MMP16: variants seen among roughly 807,000 people sequenced by gnomAD.
MMP16 encodes the protein matrix metallopeptidase 16, also known as matrix metalloproteinase-16.
MMP16 carries 12 observed loss-of-function variants against 67.8 expected under a neutral mutation model. That is an observed-to-expected ratio of 0.18 (90% CI 0.11 to 0.29). The LOEUF (loss-of-function observed/expected upper bound fraction) is 0.29. Among genes scored for constraint, MMP16 ranks in the 10% least tolerant of loss-of-function variants. The probability of loss-of-function intolerance (pLI) is 1.00; values close to 1 mark genes in which losing one functional copy is unlikely to be tolerated. For missense variants in MMP16, 475 were observed against 765.7 expected (o/e 0.62, Z 4.48); for synonymous variants, 249 against 255.9 (o/e 0.97, Z 0.26).
chr8:88,089,292 G>A (rs561896758), intron 6 of MMP16, among the ~76,000 whole-genome samples: 3 of 152,076 alleles, frequency 2.0e-5, no homozygotes, highest in Admixed American at 1.3e-4. Flanking sequence ...AAGTTAATAC[G>A]TATCACACAA....
intron 6 of MMP16, among the ~76,000 whole-genome samples, chr8:88,106,051 GTATATA>G (rs34758855): frequency 0.74 from 107,433 of 145,346 alleles, 40,418 homozygotes; most frequent in Non-Finnish European, 0.82. Context: ...TACACGTTAT[GTATATA>G]TATATATATA....
At chr8:88,305,360 C>T (rs1811196472) in intron 1 of MMP16, among the ~76,000 whole-genome samples, 1 of 152,064 alleles carries the variant, frequency 6.6e-6, no homozygotes, top group Non-Finnish European at 1.5e-5. Context: ...ACATTAATAC[C>T]CCACTGACAA....
At chr8:88,157,025 G>A (rs1808520773) in intron 4 of MMP16, among the ~76,000 whole-genome samples, 1 of 152,100 alleles carries the variant, frequency 6.6e-6, no homozygotes, top group African/African-American at 2.4e-5. Context: ...CATTAAACCT[G>A]TCACCTTTCT....
chr8:88,286,580 A>AT (rs34642278), intron 1 of MMP16, among the ~76,000 whole-genome samples: 4,554 of 149,000 alleles, frequency 0.031, 56 homozygotes, highest in South Asian at 0.041. Context: ...CTGGAACTCA[A>AT]TTTTTTTTTT....
chr8:88,179,194 G>A (rs1400733012), intron 3 of MMP16, among the ~76,000 whole-genome samples: 1 of 151,772 alleles, frequency 6.6e-6, no homozygotes, highest in South Asian at 2.1e-4. Flanking sequence ...AGAAAACTCT[G>A]GAAAAAAGCC....
At chr8:88,189,856 T>A (rs1586197021) in intron 2 of MMP16, among the ~76,000 whole-genome samples, 3 of 152,320 alleles carry the variant, frequency 2.0e-5, no homozygotes, top group Admixed American at 2.0e-4. Flanking sequence ...GATTTGTATG[T>A]GTCTGTCTCT....
At chr8:88,161,717 C>A (rs1306616681) in intron 4 of MMP16, among the ~76,000 whole-genome samples, 3 of 152,086 alleles carry the variant, frequency 2.0e-5, no homozygotes, top group African/African-American at 7.2e-5. Flanking sequence ...CTACACACTG[C>A]TTTAAACGTG....
intron 1 of MMP16, among the ~76,000 whole-genome samples, chr8:88,273,592 T>C (rs1810600287): frequency 6.6e-6 from 1 of 152,194 alleles, no homozygotes; most frequent in Non-Finnish European, 1.5e-5. Context: ...CATGATTTCC[T>C]AATTAGAATG....
At chr8:88,102,816 T>C (rs1809167871) in intron 6 of MMP16, among the ~76,000 whole-genome samples, 1 of 151,874 alleles carries the variant, frequency 6.6e-6, no homozygotes, top group South Asian at 2.1e-4. Context: ...AATACCATAG[T>C]CCACTTGCCC....
At chr8:88,282,725 T>C (rs1915024) in intron 1 of MMP16, among the ~76,000 whole-genome samples, 86,747 of 151,974 alleles carry the variant, frequency 0.57, 26,544 homozygotes, top group East Asian at 0.84. Context: ...AATGAATGTG[T>C]TTTGTTTTGT....
At chr8:88,228,721 C>T (rs1421997954) in intron 1 of MMP16, among the ~76,000 whole-genome samples, 1 of 151,970 alleles carries the variant, frequency 6.6e-6, no homozygotes, top group Non-Finnish European at 1.5e-5. Context: ...ATAATGCACC[C>T]CTTTGCTCAC....
intron 4 of MMP16, among the ~76,000 whole-genome samples, chr8:88,139,254 C>G (rs1241640725): frequency 1.3e-5 from 2 of 152,024 alleles, no homozygotes; most frequent in East Asian, 3.9e-4. Context: ...CAGCATTTTT[C>G]TTCTTCAGTG....
intron 9 of MMP16, among the ~76,000 whole-genome samples, chr8:88,043,851 G>C (rs1021565524): frequency 6.6e-6 from 1 of 152,148 alleles, no homozygotes; most frequent in Non-Finnish European, 1.5e-5. Flanking sequence ...AAGAAATGTT[G>C]AGGGCCTGCC....
intron 4 of MMP16, among the ~76,000 whole-genome samples, chr8:88,127,827 C>T (rs1266807099): frequency 6.6e-6 from 1 of 151,760 alleles, no homozygotes; most frequent in Non-Finnish European, 1.5e-5. Context: ...TTGCTTGTAC[C>T]AACACATCTA....
chr8:88,267,394 C>T (rs1001520014), intron 1 of MMP16, among the ~76,000 whole-genome samples: 3 of 152,208 alleles, frequency 2.0e-5, no homozygotes, highest in Non-Finnish European at 2.9e-5. Flanking sequence ...CTCCCATTTG[C>T]TGTGACTTCT....
chr8:88,032,630 A>G lies in MMP16; in HGVS notation c.*8831T>C, dbSNP rs1808000272. On this transcript the variant is annotated 3_prime_UTR_variant, in exon 10 of 10. Transcript: ENST00000286614. ...TTGCCTGATTTTATCTGACAGTCAT[A>G]ATACACTTTAGCACCATTTATTTAG... 1 of 152,132 alleles carries G rather than the reference A, an allele frequency of 6.6e-6. No homozygotes were observed. Among genetic ancestry groups the G allele is most frequent in the Admixed American group, 6.6e-5 (1 of 15,244 alleles). The allele number at this position is 152,132 out of a possible 1,614,324, so 9.4% of individuals were successfully genotyped here.
Position 88,167,839 on chromosome 8 carries a change from C to A in MMP16, c.539G>T (p.Arg180Leu), listed in dbSNP as rs770249742. 2.5e-6 allele frequency: 4 copies of A among 1,614,028 alleles called. No homozygotes were observed. Among genetic ancestry groups the A allele is most frequent in the South Asian group, 2.2e-5 (2 of 91,082 alleles). The change falls in exon 4 of 10, where the codon CGT becomes CTT. Residue 180 changes from arginine (R) to leucine (L), a missense_variant. Around this residue, in one of 5 missense-constraint regions of MMP16, gnomAD observed 170 missense variants for 239.6 expected, o/e 0.71. Transcript: ENST00000286614. ...VPYSELENGKRDVDITIIFAS... is the reference protein window; with the variant it reads ...VPYSELENGKLDVDITIIFAS... ...AAAAATAATGGTTATATCCACATCA[C>A]GTTTGCCATTTTCTAATTCACTGTA...
At chr8:88,044,140 C>T (rs1808169508) in intron 9 of MMP16, among the ~76,000 whole-genome samples, 1 of 152,146 alleles carries the variant, frequency 6.6e-6, no homozygotes, top group Non-Finnish European at 1.5e-5. Context: ...TTACTGAATA[C>T]ACTTGTTACA....
At chr8:88,246,427 C>T (rs1384030282) in intron 1 of MMP16, among the ~76,000 whole-genome samples, 2 of 152,132 alleles carry the variant, frequency 1.3e-5, no homozygotes, top group African/African-American at 4.8e-5. Context: ...AAATGATAAG[C>T]CATGTGGCCA....
Sources: allele counts gnomAD v4.1 joint callset (sites outside exome capture counted in the v4.1 genomes callset), GRCh38; gene constraint gnomAD v4.1.1; regional missense constraint gnomAD v4.1.1; transcripts MANE v1.5; gene names NCBI Gene and HGNC (gene_info 2026-07-23, HGNC 2026-07-21).